BORCS5: variants seen among roughly 807,000 people sequenced by gnomAD.
BORCS5 encodes BLOC-1 related complex subunit 5, also known as BLOC-1-related complex subunit 5.
A neutral mutation model predicts 22.1 loss-of-function variants in BORCS5; 17 were observed. The observed-to-expected ratio is 0.77, with a 90% CI of 0.53 to 1.15. The LOEUF (loss-of-function observed/expected upper bound fraction) is 1.15, where lower values mean the gene tolerates loss of function less well. Ranked by LOEUF, BORCS5 falls within the 50% of genes most tolerant of loss-of-function variation. BORCS5 has a pLI of 0.00. For synonymous variants in BORCS5, 117 were observed against 99.8 expected, an observed-to-expected ratio of 1.17 and a Z score of -1.03; for missense variants, 247 against 253.2, an observed-to-expected ratio of 0.98 and a Z score of 0.17.
rs1216158562 is a variant in BORCS5 at position 12,428,360 on chromosome 12, GT to G, written c.203-7265del. 2.6e-5 allele frequency among the ~76,000 whole-genome samples: 4 copies of G among 152,344 alleles called. No individual in the cohort carries two copies. In the East Asian group the frequency reaches 7.7e-4, roughly 29 times the overall value. On this transcript the variant is annotated intron_variant, in intron 2 of 3. Coordinates refer to ENST00000314565, the MANE Select transcript of BORCS5 (RefSeq NM_058169.6). ...CACAAAGAGGTAGGTACAGATGGTA[GT>G]TTGCTGGATCTCTGGAATATTCAGT... is the stretch of plus-strand genomic sequence containing the variant.
chr12:12,462,846 G>A (rs747383085), intron 3 of BORCS5, among the ~76,000 whole-genome samples: 1 of 151,866 alleles, frequency 6.6e-6, no homozygotes, highest in African/African-American at 2.4e-5. Flanking sequence ...TAATAGAGAC[G>A]GAGTTTCGCC....
chr12:12,357,318 C>A lies in BORCS5; in HGVS notation c.-134C>A. The stretch of plus-strand genomic sequence containing the variant: ...GCGTGGGCTGGACGCGTCAGCCCCA[C>A]ACATTAGCCTCGCTGCGGCGCCCAG... On this transcript the variant is annotated 5_prime_UTR_variant, in exon 1 of 4. Transcript: ENST00000314565. 6.8e-7 allele frequency: 1 copy of A among 1,472,210 alleles called. No homozygotes were observed. Among genetic ancestry groups the A allele is most frequent in the Non-Finnish European group, 9.0e-7 (1 of 1,107,330 alleles). 91.2% of individuals were successfully genotyped at this position (1,472,210 alleles called of 1,614,324 possible).
chr12:12,404,015 AAG>A (rs1419024165), intron 2 of BORCS5, among the ~76,000 whole-genome samples: 18 of 152,220 alleles, frequency 1.2e-4, no homozygotes, highest in Non-Finnish European at 2.6e-4. Flanking sequence ...GGCTGAAGGC[AAG>A]TGATTTATAG....
At chr12:12,400,485 C>T (rs1941442325) in intron 2 of BORCS5, among the ~76,000 whole-genome samples, 1 of 151,694 alleles carries the variant, frequency 6.6e-6, no homozygotes, top group Non-Finnish European at 1.5e-5. Flanking sequence ...GCCTTAGACC[C>T]AGCAGGGTTT....
At chr12:12,404,115 C>A (rs908974593) in intron 2 of BORCS5, among the ~76,000 whole-genome samples, 2 of 152,066 alleles carry the variant, frequency 1.3e-5, no homozygotes, top group Admixed American at 6.5e-5. Flanking sequence ...GAAATGAGCT[C>A]ATTTATTTGG....
At position 12,395,435 on chromosome 12, in the gene BORCS5, A is replaced by ATTTTT. The variant is rs59277387; in HGVS notation, c.202+34105_202+34109dup. Among the ~76,000 whole-genome samples, 158 of 107,830 alleles carry ATTTTT rather than the reference A, an allele frequency of 1.5e-3. 2 individuals carry two copies. The highest frequency in any genetic ancestry group is 5.9e-3 in the African/African-American group (146 of 24,598). The allele number at this position is 107,830 out of a possible 152,430, so 70.7% of individuals were successfully genotyped here. On this transcript the variant is annotated intron_variant, in intron 2 of 3. Transcript: ENST00000314565. ...AGGTGCGTACCACCACACCCAGCTAATTTTTTTTTTTTTTTTTTTTTTTGT... is the reference window on the plus strand; with the variant it reads ...AGGTGCGTACCACCACACCCAGCTAATTTTTTTTTTTTTTTTTTTTTTTTTTTTGT...
chr12:12,407,417 G>A (rs1941617891), intron 2 of BORCS5, among the ~76,000 whole-genome samples: 1 of 151,342 alleles, frequency 6.6e-6, no homozygotes, highest in Non-Finnish European at 1.5e-5. Context: ...TCTTATTAGA[G>A]GGGTATTGTG....
intron 2 of BORCS5, among the ~76,000 whole-genome samples, chr12:12,407,708 G>T (rs10772559): frequency 0.33 from 45,140 of 138,532 alleles, 7,426 homozygotes; most frequent in Non-Finnish European, 0.36. Context: ...TATTCTTTTT[G>T]TTTTTTTTTT....
chr12:12,445,193 C>T (rs896727448), intron 3 of BORCS5, among the ~76,000 whole-genome samples: 2 of 151,964 alleles, frequency 1.3e-5, no homozygotes, highest in African/African-American at 4.8e-5. Flanking sequence ...ACAGGTGTGC[C>T]ACCTACCTGG....
intron 2 of BORCS5, among the ~76,000 whole-genome samples, chr12:12,372,832 T>C (rs1354435543): frequency 5.3e-5 from 8 of 152,184 alleles, no homozygotes; most frequent in Non-Finnish European, 8.8e-5. Context: ...TTACAGATGA[T>C]GTTTTCAGAG....
At chr12:12,432,087 C>T (rs986287469) in intron 2 of BORCS5, among the ~76,000 whole-genome samples, 2 of 152,148 alleles carry the variant, frequency 1.3e-5, no homozygotes, top group Admixed American at 6.6e-5. Context: ...TTCCTGGGGT[C>T]TCTGCAGGTT....
At chr12:12,377,904 T>G (rs1405288852) in intron 2 of BORCS5, among the ~76,000 whole-genome samples, 1 of 152,142 alleles carries the variant, frequency 6.6e-6, no homozygotes, top group Non-Finnish European at 1.5e-5. Flanking sequence ...GGCCCTGAAT[T>G]TAAAGCATAC....
intron 3 of BORCS5, among the ~76,000 whole-genome samples, chr12:12,458,882 G>T (rs1171712751): frequency 6.8e-6 from 1 of 147,390 alleles, no homozygotes; most frequent in African/African-American, 2.5e-5. Context: ...TGAGGCAGGA[G>T]AATTGCTTGA....
In BORCS5 at chr12:12,396,865, C is replaced by T. The variant is rs187416954; in HGVS notation, c.202+35516C>T. ...GAACAGCTGCGGTCTTTCCGGAACA[C>T]TAACTTAAAAAATGCTCAGCATACT... On this transcript the variant is annotated intron_variant, in intron 2 of 3. Transcript: ENST00000314565. Among the ~76,000 whole-genome samples, 7 of 152,280 alleles carry T rather than the reference C, an allele frequency of 4.6e-5. No homozygotes were observed. In the East Asian group the frequency reaches 1.2e-3, roughly 25 times the overall value.
chr12:12,379,020 G>A (rs1002991536), intron 2 of BORCS5, among the ~76,000 whole-genome samples: 6 of 151,220 alleles, frequency 4.0e-5, no homozygotes, highest in African/African-American at 1.2e-4. Flanking sequence ...CTCACAAAGT[G>A]CTTGGGATAA....
chr12:12,433,935 T>A (rs775025192), intron 2 of BORCS5, among the ~76,000 whole-genome samples: 1 of 151,980 alleles, frequency 6.6e-6, no homozygotes, highest in African/African-American at 2.4e-5. Flanking sequence ...CTCTAATATA[T>A]CAGAACAGTG....
intron 3 of BORCS5, among the ~76,000 whole-genome samples, chr12:12,440,895 G>A (rs909808715): frequency 1.5e-4 from 23 of 152,320 alleles, no homozygotes; most frequent in African/African-American, 5.5e-4. Flanking sequence ...ACACAGTGAG[G>A]TAGTGGCCAA....
At chr12:12,454,134 C>T (rs1942959793) in intron 3 of BORCS5, among the ~76,000 whole-genome samples, 1 of 152,162 alleles carries the variant, frequency 6.6e-6, no homozygotes, top group Non-Finnish European at 1.5e-5. Context: ...AATAATGCTG[C>T]TATAAACATT....
At chr12:12,438,359 T>TC (rs1942598287) in intron 3 of BORCS5, among the ~76,000 whole-genome samples, 1 of 17,868 alleles carries the variant, frequency 5.6e-5, no homozygotes, top group African/African-American at 5.2e-4. Flanking sequence ...AGATTTCATC[T>TC]CAAAAAAAAA....
Sources: allele counts gnomAD v4.1 joint callset (sites outside exome capture counted in the v4.1 genomes callset), GRCh38; gene constraint gnomAD v4.1.1; transcripts MANE v1.5; gene names NCBI Gene and HGNC (gene_info 2026-07-23, HGNC 2026-07-21).